Variants in IREB2 observed in about 807,000 individuals in gnomAD.
The protein encoded by IREB2 is iron responsive element binding protein 2.
IREB2 carries 39 observed loss-of-function variants against 118.8 expected under a neutral mutation model. The ratio of observed to expected loss-of-function variants is 0.33; its 90% CI spans 0.25 to 0.43. IREB2 has a LOEUF of 0.43. IREB2 is among the 20% of genes least tolerant of loss of function. The pLI is 1.00. For synonymous variants in IREB2, 372 were observed against 392.2 expected (o/e 0.95, Z 0.61); for missense variants, 900 against 1,147.3 (o/e 0.78, Z 3.11).
At chr15:78,463,238 C>A in intron 3 of IREB2, 151 bp downstream of exon 3, 1 of 691,848 alleles carries the variant, frequency 1.4e-6, no homozygotes, top group South Asian at 2.2e-5. Context: ...TGGGAGTTTG[C>A]AGTCAGTCTG....
chr15:78,472,535 T>G (rs2051397628), intron 7 of IREB2, among the ~76,000 whole-genome samples: 1 of 152,038 alleles, frequency 6.6e-6, no homozygotes, highest in African/African-American at 2.4e-5. Context: ...CCCAGCTAAT[T>G]TTTGTATTTT....
At chr15:78,457,314 C>T (rs962485577) in intron 2 of IREB2, among the ~76,000 whole-genome samples, 3 of 151,974 alleles carry the variant, frequency 2.0e-5, no homozygotes, top group Non-Finnish European at 4.4e-5. Flanking sequence ...CTTGCACAGC[C>T]GTTGTTGTAG....
upstream of IREB2, chr15:78,437,718 G>A (rs2050773717): frequency 2.6e-5 from 4 of 152,748 alleles, no homozygotes; most frequent in Admixed American, 2.6e-4. Context: ...GAAGCTACCG[G>A]AGGGTAAGAA....
intron 2 of IREB2, among the ~76,000 whole-genome samples, chr15:78,456,700 TTCTC>T (rs1256885017): frequency 6.6e-6 from 1 of 152,154 alleles, no homozygotes; most frequent in African/African-American, 2.4e-5. Flanking sequence ...GATTAGTGTT[TTCTC>T]GTAGCACTCT....
At chr15:78,473,673 C>A in intron 8 of IREB2, 1 of 285,386 alleles carries the variant, frequency 3.5e-6, no homozygotes, top group Non-Finnish European at 6.6e-6. Context: ...AACTAAGGTA[C>A]AGTAGGGTTT....
chr15:78,490,231 T>A (rs1232492773), intron 16 of IREB2, among the ~76,000 whole-genome samples, 191 bp from the exon 17 acceptor site: 1 of 152,154 alleles, frequency 6.6e-6, no homozygotes, highest in East Asian at 1.9e-4. Context: ...TGGGCAAAAA[T>A]AAAAATTTAA....
At chr15:78,441,339 T>C (rs1020146445) in intron 2 of IREB2, among the ~76,000 whole-genome samples, 2 of 152,270 alleles carry the variant, frequency 1.3e-5, no homozygotes, top group African/African-American at 4.8e-5. Context: ...ATTTTCTTAA[T>C]GTATGTCTTT....
At chr15:78,488,563 A>AT in intron 15 of IREB2, 84 bp from the exon 16 acceptor site, 7 of 1,337,964 alleles carry the variant, frequency 5.2e-6, no homozygotes, top group Non-Finnish European at 7.1e-6. Context: ...CATTTACTTG[A>AT]TTTCCATGAT....
At chr15:78,451,817 A>ACT (rs890821036) in intron 2 of IREB2, among the ~76,000 whole-genome samples, 3 of 151,942 alleles carry the variant, frequency 2.0e-5, no homozygotes, top group Admixed American at 6.6e-5. Flanking sequence ...CCTTCCTAGT[A>ACT]GCTGGAACTA....
chr15:78,446,230 T>A (rs2050926791), intron 2 of IREB2, among the ~76,000 whole-genome samples: 1 of 152,230 alleles, frequency 6.6e-6, no homozygotes, highest in Admixed American at 6.5e-5. Flanking sequence ...TGTAACAGTT[T>A]GCTTGTAATT....
chr15:78,463,550 A>T (rs2051232771), intron 3 of IREB2, among the ~76,000 whole-genome samples: 1 of 152,116 alleles, frequency 6.6e-6, no homozygotes. Flanking sequence ...TAAACTTAAA[A>T]ATTTTGCCCT....
chr15:78,490,688 A>G lies in IREB2; in HGVS notation c.2251A>G (p.Thr751Ala). 4.3e-6 allele frequency: 7 copies of G among 1,613,998 alleles called. No homozygotes were observed. Among genetic ancestry groups the G allele is most frequent in the East Asian group, 2.2e-5 (1 of 44,880 alleles). Residue 751 changes from threonine to alanine, a missense_variant, in exon 18 of 22, where the codon ACA (threonine) becomes GCA (alanine). Transcript: ENST00000258886. ...HVLLYLGDSVTTDHISPAGSI... is the reference protein window; with the variant it reads ...HVLLYLGDSVATDHISPAGSI... The stretch of plus-strand genomic sequence containing the variant: ...CTTATTATATTTGGGAGACTCTGTC[A>G]CAACAGATCATATATCACCTGCAGG...
intron 2 of IREB2, among the ~76,000 whole-genome samples, chr15:78,441,364 C>T (rs976007320): frequency 6.6e-6 from 1 of 152,196 alleles, no homozygotes; most frequent in Non-Finnish European, 1.5e-5. Context: ...TTAATTTTAT[C>T]CCTTCACTGA....
At position 78,490,693 on chromosome 15, in the gene IREB2, A is replaced by G. The variant is rs111623555; in HGVS notation, c.2256A>G (p.Thr752=). The G allele has an allele frequency of 4.9e-5, 79 of 1,614,006 alleles. No homozygotes were observed. In the African/African-American group the frequency reaches 8.4e-4, roughly 17 times the overall value. Residue 752 remains threonine, a synonymous_variant, in exon 18 of 22, where the codon ACA becomes ACG. Transcript: ENST00000258886. ...VLLYLGDSVT[T]DHISPAGSIA... is the part of the protein sequence containing the mutation. ...TATATTTGGGAGACTCTGTCACAAC[A>G]GATCATATATCACCTGCAGGAAGTA...
chr15:78,479,795 C>T (rs2051534920), intron 10 of IREB2, among the ~76,000 whole-genome samples: 1 of 152,066 alleles, frequency 6.6e-6, no homozygotes, highest in Non-Finnish European at 1.5e-5. Context: ...GTGGCATGCT[C>T]CCGTGGTTCC....
chr15:78,459,339 T>TG (rs1567167505), intron 2 of IREB2, among the ~76,000 whole-genome samples: 5 of 139,526 alleles, frequency 3.6e-5, no homozygotes, highest in Admixed American at 2.8e-4. Context: ...TTTGTTTGTT[T>TG]GTTTTGGTTT....
rs1202684588 is a variant in IREB2 at position 78,499,321 on chromosome 15, A to T, written c.*1178A>T. 2 of 152,076 alleles carry T rather than the reference A, an allele frequency of 1.3e-5. No individual in the cohort carries two copies. The highest frequency in any genetic ancestry group is 2.4e-5 in the African/African-American group (1 of 41,414). The allele number at this position is 152,076 out of a possible 1,614,324, so 9.4% of individuals were successfully genotyped here. On this transcript the variant is annotated 3_prime_UTR_variant, in exon 22 of 22. Transcript: ENST00000258886. ...TGTTCTGTCAACAAGATGTTTGGTA[A>T]TTTTTTTTAAAAAGGTTGGAAAATT...
At chr15:78,454,675 CCTTAATAAA>C (rs1369618384) in intron 2 of IREB2, among the ~76,000 whole-genome samples, 1 of 152,152 alleles carries the variant, frequency 6.6e-6, no homozygotes, top group African/African-American at 2.4e-5. Context: ...ATACAATATG[CCTTAATAAA>C]CTTAGGACTT....
intron 2 of IREB2, among the ~76,000 whole-genome samples, chr15:78,459,198 A>T (rs2568486): frequency 0.031 from 4,793 of 152,228 alleles, 259 homozygotes; most frequent in African/African-American, 0.11. Flanking sequence ...TTTGTTTCAT[A>T]TATTTTACCA....
Sources: allele counts gnomAD v4.1 joint callset (sites outside exome capture counted in the v4.1 genomes callset), GRCh38; gene constraint gnomAD v4.1.1; transcripts MANE v1.5; gene names NCBI Gene and HGNC (gene_info 2026-07-23, HGNC 2026-07-21).